Variants in PDE9A observed in about 807,000 individuals in gnomAD.
PDE9A encodes the protein phosphodiesterase 9A.
Under a neutral mutation model 87.4 loss-of-function variants are expected in PDE9A, and 60 were observed. That is an observed-to-expected ratio of 0.69 (90% CI 0.56 to 0.85). PDE9A has a LOEUF of 0.85. Ranked by LOEUF, PDE9A falls within the 40% of genes least tolerant of loss-of-function variation. PDE9A has a pLI of 0.00. For synonymous variants in PDE9A, 272 were observed against 279.4 expected, an observed-to-expected ratio of 0.97 and a Z score of 0.27; for missense variants, 665 against 779.0, an observed-to-expected ratio of 0.85 and a Z score of 1.74.
At chr21:42,752,517 C>A (rs903757126) in intron 9 of PDE9A, among the ~76,000 whole-genome samples, 1 of 152,244 alleles carries the variant, frequency 6.6e-6, no homozygotes, top group East Asian at 1.9e-4. Context: ...GATCCACCCA[C>A]CTCAGCATCC....
intron 19 of PDE9A, among the ~76,000 whole-genome samples, chr21:42,773,640 A>G: frequency 6.6e-6 from 1 of 151,772 alleles, no homozygotes; most frequent in East Asian, 1.9e-4. Context: ...TCTCTACTTT[A>G]AACACAAAAA....
chr21:42,718,121 G>A (rs910579681), intron 4 of PDE9A, among the ~76,000 whole-genome samples: 2 of 151,430 alleles, frequency 1.3e-5, no homozygotes, highest in Admixed American at 6.6e-5. Flanking sequence ...GGCTGGTCTC[G>A]AACTCTTGAC....
Position 42,723,032 on chromosome 21 carries a change from G to A in PDE9A, c.263-8738G>A, listed in dbSNP as rs913095118. On this transcript the variant is annotated intron_variant, in intron 4 of 19. Coordinates refer to ENST00000291539, the MANE Select transcript of PDE9A (RefSeq NM_002606.3). This position sits in a 1 kb window ranked among gnomAD's most constrained non-coding sequence, Gnocchi z 4.3. The stretch of plus-strand genomic sequence containing the variant: ...CCCTGCCCTGGACACCCGTGAACAC[G>A]GAGGCAGCCGTGTGAACACCATGAG... 9.2e-5 allele frequency among the ~76,000 whole-genome samples: 14 copies of A among 152,226 alleles called. No individual in the cohort carries two copies. Among genetic ancestry groups the A allele is most frequent in the African/African-American group, 2.4e-4 (10 of 41,464 alleles).
intron 10 of PDE9A, chr21:42,758,757 G>T: frequency 2.2e-6 from 1 of 460,560 alleles, no homozygotes. Flanking sequence ...CACCTGCCAG[G>T]AGACCCCCAG....
intron 1 of PDE9A, among the ~76,000 whole-genome samples, chr21:42,682,838 C>T (rs1010413709): frequency 2.0e-5 from 3 of 152,208 alleles, no homozygotes; most frequent in Non-Finnish European, 4.4e-5. Context: ...CAGGCTTAGG[C>T]TCGGTTGCAT....
intron 10 of PDE9A, 74 bp downstream of exon 10, chr21:42,754,138 C>A: frequency 1.2e-6 from 1 of 803,800 alleles, no homozygotes; most frequent in Non-Finnish European, 2.1e-6. Flanking sequence ...TGGGACCACC[C>A]CCATCGCTCT....
At chr21:42,657,251 G>A (rs1323622881) in intron 1 of PDE9A, among the ~76,000 whole-genome samples, 6 of 152,210 alleles carry the variant, frequency 3.9e-5, no homozygotes, top group South Asian at 4.1e-4. Flanking sequence ...GCCTGTTCCC[G>A]TCATCTGTTC....
chr21:42,770,916 C>G, intron 18 of PDE9A, 118 bp downstream of exon 18: 1 of 711,724 alleles, frequency 1.4e-6, no homozygotes, highest in Non-Finnish European at 2.5e-6. Flanking sequence ...GCCCCGTGGA[C>G]AGGCACACGT....
At chr21:42,663,019 G>A (rs915893300) in intron 1 of PDE9A, among the ~76,000 whole-genome samples, 3 of 130,158 alleles carry the variant, frequency 2.3e-5, no homozygotes, top group Non-Finnish European at 3.2e-5. Flanking sequence ...CCACACACAC[G>A]CACATATCAC....
intron 1 of PDE9A, among the ~76,000 whole-genome samples, chr21:42,671,699 C>T (rs1030600715): frequency 6.6e-6 from 1 of 152,178 alleles, no homozygotes; most frequent in African/African-American, 2.4e-5. Flanking sequence ...AATGTTTCTT[C>T]AGTGAACGCA....
In PDE9A at chr21:42,695,677, TCC is replaced by T. The variant is rs2060106489; in HGVS notation, c.219-3290_219-3289del. ...AGAATGGCTCCAGGCCTCCTCCTCC[TCC>T]TATTAAATGTGTTTTAAAAGAGGTC... On this transcript the variant is annotated intron_variant, in intron 3 of 19. Transcript: ENST00000291539. The surrounding 1 kb of genome is among the most constrained non-coding windows in gnomAD (Gnocchi z 4.3). 6.6e-6 allele frequency among the ~76,000 whole-genome samples: 1 copy of T among 152,178 alleles called. No individual in the cohort carries two copies. The highest frequency in any genetic ancestry group is 2.4e-5 in the African/African-American group (1 of 41,440).
rs116143147 is a variant in PDE9A, at chr21:42,683,200, G to T, written c.70-2992G>T. On this transcript the variant is annotated intron_variant, in intron 1 of 19. Transcript: ENST00000291539. ...GGCTCCTGGGCTGCAGCCTCATGAAGCCAGCTGTTCCTCAACTGAAAAGAG... is the reference window on the plus strand; with the variant it reads ...GGCTCCTGGGCTGCAGCCTCATGAATCCAGCTGTTCCTCAACTGAAAAGAG... 4.8e-3 allele frequency among the ~76,000 whole-genome samples: 736 copies of T among 152,182 alleles called. 10 individuals carry two copies. The highest frequency in any genetic ancestry group is 0.017 in the African/African-American group (707 of 41,524).
rs1424963107 is a variant in PDE9A at position 42,705,373 on chromosome 21, T to C, written c.262+6362T>C. Among the ~76,000 whole-genome samples, 1 of 152,202 alleles carries C rather than the reference T, an allele frequency of 6.6e-6. No homozygotes were observed. The highest frequency in any genetic ancestry group is 2.4e-5 in the African/African-American group (1 of 41,448). On this transcript the variant is annotated intron_variant, in intron 4 of 19. Transcript: ENST00000291539. The surrounding 1 kb of genome is among the most constrained non-coding windows in gnomAD (Gnocchi z 4.3). ...TAAGCCGCTCAAACTCAAAGAGTGT[T>C]GTTTTCCAGATTATAAAACACAGAT...
Position 42,760,221 on chromosome 21 carries a change from G to A in PDE9A, c.898-107G>A, listed in dbSNP as rs1034998817. Reference sequence around the variant, plus strand: ...ACTGTTGACCTCTGGTTGGGATGAGGGTTTGGCAGAGAATGTTCAAACCAG... The same window carrying A: ...ACTGTTGACCTCTGGTTGGGATGAGAGTTTGGCAGAGAATGTTCAAACCAG... On this transcript the variant is annotated intron_variant, in intron 11 of 19. Transcript: ENST00000291539. The surrounding 1 kb of genome is among the most constrained non-coding windows in gnomAD (Gnocchi z 5.2). 7 of 693,624 alleles carry A rather than the reference G, an allele frequency of 1.0e-5. No homozygotes were observed. The African/African-American group carries it at 1.2e-4, about 12-fold the overall frequency. The allele number at this position is 693,624 out of a possible 1,614,324, so 43.0% of individuals were successfully genotyped here.
chr21:42,769,728 G>T (rs28663363), intron 17 of PDE9A, among the ~76,000 whole-genome samples: 3 of 57,032 alleles, frequency 5.3e-5, no homozygotes, highest in African/African-American at 3.3e-4. Context: ...AGGCACACAC[G>T]TACAGAGGCA....
chr21:42,763,262 C>T (rs1466631260), intron 14 of PDE9A, among the ~76,000 whole-genome samples: 3 of 152,312 alleles, frequency 2.0e-5, no homozygotes, highest in East Asian at 1.9e-4. Context: ...GTCCACCTCC[C>T]GTGAATGTGA....
intron 19 of PDE9A, among the ~76,000 whole-genome samples, chr21:42,773,917 A>G (rs1055386700): frequency 2.5e-4 from 38 of 151,434 alleles, no homozygotes; most frequent in Admixed American, 2.3e-3. Context: ...ATCCTGGCTA[A>G]CACGGTGAAA....
chr21:42,739,151 TG>T lies in PDE9A; in HGVS notation c.569-4623del, dbSNP rs2052813739. ...CCAGTGGGCCAGGGAGCCTCTGCTT[TG>T]GTTTGTGGTGCGTGGTCTGTGCCCG... On this transcript the variant is annotated intron_variant, in intron 7 of 19. Transcript: ENST00000291539. This position sits in a 1 kb window ranked among gnomAD's most constrained non-coding sequence, Gnocchi z 4.1. 2.0e-5 allele frequency among the ~76,000 whole-genome samples: 3 copies of T among 152,086 alleles called. No homozygotes were observed. Among genetic ancestry groups the T allele is most frequent in the Admixed American group, 2.0e-4 (3 of 15,284 alleles).
rs539623563 is a variant in PDE9A, at chr21:42,728,856, C to T, written c.263-2914C>T. On this transcript the variant is annotated intron_variant, in intron 4 of 19. Transcript: ENST00000291539. ...CTCTACTAAAAATACAAAAAATTAG[C>T]CTGGCTTAGTGGCGGGCACCTATAA... 4.6e-5 allele frequency among the ~76,000 whole-genome samples: 7 copies of T among 152,100 alleles called. No homozygotes were observed. The East Asian group carries it at 1.2e-3, about 25-fold the overall frequency.
Sources: gnomAD v4.1 joint callset for allele counts (sites outside exome capture counted in the v4.1 genomes callset) on GRCh38, gnomAD v4.1.1 for gene constraint, Gnocchi (gnomAD v3.1) non-coding constraint, MANE v1.5 for transcripts, NCBI Gene and HGNC (gene_info 2026-07-23, HGNC 2026-07-21) for gene names.